ATP5F1E: variants seen among roughly 807,000 people sequenced by gnomAD.
ATP5F1E encodes the protein ATP synthase F(1) complex subunit epsilon, mitochondrial.
ATP5F1E carries 5 observed loss-of-function variants against 7.0 expected under a neutral mutation model. The ratio of observed to expected loss-of-function variants is 0.71; its 90% CI spans 0.37 to 1.49. The LOEUF (loss-of-function observed/expected upper bound fraction) is 1.49. ATP5F1E is among the 40% of genes most tolerant of loss of function. ATP5F1E has a pLI of 0.03. For missense variants in ATP5F1E, 59 were observed against 57.1 expected (o/e 1.03, Z -0.11); for synonymous variants, 20 against 20.1 (o/e 0.99, Z 0.02).
intron 1 of ATP5F1E, among the ~76,000 whole-genome samples, chr20:59,031,343 G>C (rs2092027582): frequency 6.6e-6 from 1 of 152,194 alleles, no homozygotes; most frequent in Non-Finnish European, 1.5e-5. Context: ...AAAAAGTATG[G>C]ATCACAGGGT....
At position 59,028,290 on chromosome 20, in the gene ATP5F1E, C is replaced by T. The variant is rs981123652; in HGVS notation, c.*555G>A. The T allele has an allele frequency of 1.3e-5, 2 of 152,206 alleles. No homozygotes were observed. Among genetic ancestry groups the T allele is most frequent in the African/African-American group, 4.8e-5 (2 of 41,456 alleles). 9.4% of individuals were successfully genotyped at this position (152,206 alleles called of 1,614,324 possible). The stretch of plus-strand genomic sequence containing the variant: ...AAAACAATGTGAAAAACACTTTGTG[C>T]TTAAATTCTGTAACCGTTCTTATCT... On this transcript the variant is annotated 3_prime_UTR_variant, in exon 3 of 3. Coordinates refer to ENST00000243997, the MANE Select transcript of ATP5F1E (RefSeq NM_006886.4).
At chr20:59,032,128 GGGCCGC>G in intron 1 of ATP5F1E, 86 bp downstream of exon 1, 1 of 1,512,492 alleles carries the variant, frequency 6.6e-7, no homozygotes, top group Non-Finnish European at 8.9e-7. Context: ...GTCACGCGTG[GGGCCGC>G]TGCTCTGTGT....
chr20:59,027,421 T>C lies in ATP5F1E; in HGVS notation c.*1424A>G, dbSNP rs1601241421. ...CTACCAATATACTAGCAATCTACTATGCCATCTATATACCAATAATACCCC... is the reference window on the plus strand; with the variant it reads ...CTACCAATATACTAGCAATCTACTACGCCATCTATATACCAATAATACCCC... On this transcript the variant is annotated 3_prime_UTR_variant, in exon 3 of 3. Coordinates refer to ENST00000243997, the MANE Select transcript of ATP5F1E (RefSeq NM_006886.4). The C allele has an allele frequency of 6.6e-6, 1 of 152,132 alleles. No homozygotes were observed. The highest frequency in any genetic ancestry group is 1.9e-4 in the East Asian group (1 of 5,188). 9.4% of individuals were successfully genotyped at this position (152,132 alleles called of 1,614,324 possible). A position where few individuals can be genotyped will look rare whatever the true frequency, so the allele number is the denominator to read the frequency against.
chr20:59,029,875 G>T (rs1972289649), intron 2 of ATP5F1E: 1 of 236,378 alleles, frequency 4.2e-6, no homozygotes, highest in Non-Finnish European at 8.4e-6. Flanking sequence ...GTAGTGATTT[G>T]TGAGAACATT....
At chr20:59,030,266 A>T (rs752481524) in intron 2 of ATP5F1E, 37 bp downstream of exon 2, 1 of 1,610,286 alleles carries the variant, frequency 6.2e-7, no homozygotes, top group South Asian at 1.1e-5. Flanking sequence ...CAAAAACTTA[A>T]GATGCAACTG....
rs1490864130 is a variant in ATP5F1E at position 59,030,382 on chromosome 20, A to C, written c.80T>G (p.Leu27Arg). ...QICAKAVRDA[L>R]KTEFKANAEK... ...AGCATTTGCTTTGAATTCTGTCTTC[A>C]GTGCATCTCTCACTGCTTTTGCACA... Residue 27 changes from leucine to arginine, a missense_variant, in exon 2 of 3, where the codon CTG (leucine) becomes CGG (arginine). By Grantham distance (102) the Leu-to-Arg change is moderately radical. Coordinates refer to ENST00000243997, the MANE Select transcript of ATP5F1E (RefSeq NM_006886.4). 3 of 1,613,846 alleles carry C rather than the reference A, an allele frequency of 1.9e-6. No homozygotes were observed. Among genetic ancestry groups the C allele is most frequent in the Non-Finnish European group, 2.5e-6 (3 of 1,179,908 alleles).
chr20:59,030,580 A>G, intron 1 of ATP5F1E, 151 bp from the exon 2 acceptor site: 1 of 947,350 alleles, frequency 1.1e-6, no homozygotes. Flanking sequence ...CTAATGCCAA[A>G]AAGTATCTAT....
chr20:59,030,253 C>T, intron 2 of ATP5F1E, 50 bp downstream of exon 2: 2 of 1,606,060 alleles, frequency 1.2e-6, no homozygotes, highest in Non-Finnish European at 1.7e-6. Flanking sequence ...CTTTATGGTG[C>T]TCCAAAAACT....
At position 59,030,306 on chromosome 20, in the gene ATP5F1E, T is replaced by C; in HGVS notation, c.156A>G (p.Ter52=). The C allele has an allele frequency of 1.2e-6, 2 of 1,613,588 alleles. No homozygotes were observed. Among genetic ancestry groups the C allele is most frequent in the Non-Finnish European group, 1.7e-6 (2 of 1,179,680 alleles). ...NVKIVKVKKE[*] is the part of the protein sequence containing the mutation. Reference sequence around the variant, plus strand: ...TCTAAATAAATCCATAACTTACAGATTATTCCTTCTTTACTTTCACAATTT... The same window carrying C: ...TCTAAATAAATCCATAACTTACAGACTATTCCTTCTTTACTTTCACAATTT... The change falls in exon 2 of 3, where the codon TAA becomes TAG. Residue 52 remains the stop codon, a stop_retained_variant. Transcript: ENST00000243997.
rs1262217885 is a variant in ATP5F1E, at chr20:59,026,934, CA to C, written c.*1910del. The C allele has an allele frequency of 6.6e-6, 1 of 152,180 alleles. No homozygotes were observed. Among genetic ancestry groups the C allele is most frequent in the Non-Finnish European group, 1.5e-5 (1 of 68,042 alleles). The allele number at this position is 152,180 out of a possible 1,614,324, so 9.4% of individuals were successfully genotyped here. Reference sequence around the variant, plus strand: ...TTAACTGACAGCTTCAAACATCATCCAACTAATTAGTGGGATACTCATTAAG... The same window carrying C: ...TTAACTGACAGCTTCAAACATCATCCACTAATTAGTGGGATACTCATTAAG... On this transcript the variant is annotated 3_prime_UTR_variant, in exon 3 of 3. Transcript: ENST00000243997.
At position 59,026,901 on chromosome 20, in the gene ATP5F1E, C is replaced by G. The variant is rs773461873; in HGVS notation, c.*1944G>C. On this transcript the variant is annotated 3_prime_UTR_variant, in exon 3 of 3. Transcript: ENST00000243997. ...ACTTTGCTCACAAGAACGATGTGAA[C>G]TAAGAGATTAACTGACAGCTTCAAA... 2.0e-5 allele frequency: 3 copies of G among 152,214 alleles called. No homozygotes were observed. The highest frequency in any genetic ancestry group is 4.4e-5 in the Non-Finnish European group (3 of 68,050). The allele number at this position is 152,214 out of a possible 1,614,324, so 9.4% of individuals were successfully genotyped here.
At position 59,031,385 on chromosome 20, in the gene ATP5F1E, G is replaced by C. The variant is rs541708985; in HGVS notation, c.32+835C>G. ...CCTAATAAACGGTATCTACTACTGG[G>C]ACTATCATCCTTCCATCCTTCCAAT... is the stretch of plus-strand genomic sequence containing the variant. On this transcript the variant is annotated intron_variant, in intron 1 of 2. Coordinates refer to ENST00000243997, the MANE Select transcript of ATP5F1E (RefSeq NM_006886.4). Among the ~76,000 whole-genome samples, 27 of 152,304 alleles carry C rather than the reference G, an allele frequency of 1.8e-4. 1 individual carries two copies. The South Asian group carries it at 3.7e-3, about 21-fold the overall frequency.
At position 59,028,803 on chromosome 20, in the gene ATP5F1E, T is replaced by C. The variant is rs369499748; in HGVS notation, c.*42A>G. On this transcript the variant is annotated 3_prime_UTR_variant, in exon 3 of 3. Coordinates refer to ENST00000243997, the MANE Select transcript of ATP5F1E (RefSeq NM_006886.4). ...TGCCATAACATGTGCCCACACATCTTCACCTTGGAAATGTAGCATTTCAAG... is the reference window on the plus strand; with the variant it reads ...TGCCATAACATGTGCCCACACATCTCCACCTTGGAAATGTAGCATTTCAAG... The C allele has an allele frequency of 6.0e-6, 1 of 167,292 alleles. No homozygotes were observed. Among genetic ancestry groups the C allele is most frequent in the Non-Finnish European group, 1.5e-5 (1 of 68,270 alleles). The allele number at this position is 167,292 out of a possible 1,614,324, so 10.4% of individuals were successfully genotyped here.
In ATP5F1E at chr20:59,032,095, G is replaced by C. The variant is rs537989475; in HGVS notation, c.32+125C>G. On this transcript the variant is annotated intron_variant, in intron 1 of 2. Transcript: ENST00000243997. ...ACAGCGACGCCATCTTGGCGGCGACGCCCGAGGCTTGGCCCAACCCCGGTC... is the reference window on the plus strand; with the variant it reads ...ACAGCGACGCCATCTTGGCGGCGACCCCCGAGGCTTGGCCCAACCCCGGTC... The C allele has an allele frequency of 3.2e-4, 431 of 1,358,924 alleles. 3 individuals are homozygous for C. In the African/African-American group the frequency reaches 5.6e-3, roughly 18 times the overall value. The allele number at this position is 1,358,924 out of a possible 1,614,324, so 84.2% of individuals were successfully genotyped here. A position where few individuals can be genotyped will look rare whatever the true frequency, so the allele number is the denominator to read the frequency against.
At chr20:59,029,305 G>A (rs2092010756) in intron 2 of ATP5F1E, 1 of 152,100 alleles carries the variant, frequency 6.6e-6, no homozygotes, top group Admixed American at 6.5e-5. Context: ...CATAAAACCA[G>A]GTCTCATTAC....
chr20:59,030,241 ATCT>A (rs1238708026), intron 2 of ATP5F1E, 59 bp downstream of exon 2: 1 of 1,598,562 alleles, frequency 6.3e-7, no homozygotes, highest in South Asian at 1.1e-5. Context: ...AATTATTTTG[ATCT>A]TTATGGTGCT....
Position 59,032,257 on chromosome 20 carries a change from A to C in ATP5F1E, c.-6T>G. On this transcript the variant is annotated 5_prime_UTR_variant, in exon 1 of 3. Coordinates refer to ENST00000243997, the MANE Select transcript of ATP5F1E (RefSeq NM_006886.4). ...TGTCTCCAGTAGGCCACCATGCTGT[A>C]GCGAAAGCGGAGCTCGTCGGGCCGA... 1 of 1,601,726 alleles carries C rather than the reference A, an allele frequency of 6.2e-7. No individual in the cohort carries two copies. The highest frequency in any genetic ancestry group is 8.5e-7 in the Non-Finnish European group (1 of 1,174,800).
At position 59,026,431 on chromosome 20, in the gene ATP5F1E, G is replaced by A. The variant is rs1485715926; in HGVS notation, c.*2414C>T. ...GACTTACAGCCTGCGATTATACAAG[G>A]ATTTACACATGCTTCCTCTGGTGCT... On this transcript the variant is annotated 3_prime_UTR_variant, in exon 3 of 3. Transcript: ENST00000243997. The A allele has an allele frequency of 2.0e-5, 3 of 152,166 alleles. No individual in the cohort carries two copies. The highest frequency in any genetic ancestry group is 1.3e-4 in the Admixed American group (2 of 15,276). 9.4% of individuals were successfully genotyped at this position (152,166 alleles called of 1,614,324 possible). A position where few individuals can be genotyped will look rare whatever the true frequency, so the allele number is the denominator to read the frequency against.
chr20:59,028,915 A>G (rs1347000346), intron 2 of ATP5F1E, 74 bp from the exon 3 acceptor site: 1 of 165,638 alleles, frequency 6.0e-6, no homozygotes, highest in African/African-American at 2.4e-5. Context: ...TGAATATAAG[A>G]AATAACTTCC....
Sources: allele counts gnomAD v4.1 joint callset (sites outside exome capture counted in the v4.1 genomes callset), GRCh38; gene constraint gnomAD v4.1.1; transcripts MANE v1.5; gene names NCBI Gene and HGNC (gene_info 2026-07-23, HGNC 2026-07-21).